ASTN2: variants seen among roughly 807,000 people sequenced by gnomAD.
ASTN2 encodes the protein astrotactin-2.
ASTN2 carries 54 observed loss-of-function variants against 139.8 expected under a neutral mutation model. The observed-to-expected ratio is 0.39, with a 90% CI of 0.31 to 0.48. The LOEUF is 0.48. ASTN2 is among the 20% of genes least tolerant of loss of function. The probability of loss-of-function intolerance (pLI) is 0.95; values close to 1 mark genes in which losing one functional copy is unlikely to be tolerated. For synonymous variants in ASTN2, 756 were observed against 719.5 expected (o/e 1.05, Z -0.81); for missense variants, 1,565 against 1,725.1 (o/e 0.91, Z 1.64).
chr9:116,846,970 C>T (rs1832447913), intron 11 of ASTN2, among the ~76,000 whole-genome samples: 1 of 127,038 alleles, frequency 7.9e-6, no homozygotes, highest in Admixed American at 9.8e-5. Flanking sequence ...TCAGAACCTG[C>T]TGTCTTCCAG....
chr9:116,913,485 CTT>C (rs1248842407), intron 10 of ASTN2, among the ~76,000 whole-genome samples: 2 of 152,152 alleles, frequency 1.3e-5, no homozygotes, highest in African/African-American at 4.8e-5. Context: ...ACCCCGCTGG[CTT>C]TGTCATTTCT....
intron 10 of ASTN2, among the ~76,000 whole-genome samples, chr9:116,940,041 T>C (rs1406012566): frequency 6.6e-5 from 10 of 152,238 alleles, no homozygotes; most frequent in Admixed American, 6.5e-4. Flanking sequence ...GTACAGTACA[T>C]AATACTGGAT....
chr9:116,616,474 A>C (rs1855861099), intron 19 of ASTN2, among the ~76,000 whole-genome samples: 1 of 152,232 alleles, frequency 6.6e-6, no homozygotes, highest in South Asian at 2.1e-4. Context: ...TGTGCTGGGC[A>C]TAAGACAGAC....
chr9:117,215,872 T>C (rs1832302103), intron 2 of ASTN2, among the ~76,000 whole-genome samples: 1 of 152,078 alleles, frequency 6.6e-6, no homozygotes, highest in South Asian at 2.1e-4. Flanking sequence ...TCAGGAGGAA[T>C]CACCCTTGTT....
intron 4 of ASTN2, among the ~76,000 whole-genome samples, chr9:117,107,859 T>C: frequency 6.6e-6 from 1 of 152,236 alleles, no homozygotes; most frequent in East Asian, 1.9e-4. Context: ...AAATTGTATC[T>C]GTATATTTCA....
chr9:116,611,073 A>G (rs1425615287), intron 19 of ASTN2: 1 of 151,990 alleles, frequency 6.6e-6, no homozygotes, highest in Non-Finnish European at 1.5e-5. Flanking sequence ...AAAATGTTTA[A>G]AGTCATAAAA....
intron 7 of ASTN2, among the ~76,000 whole-genome samples, chr9:117,005,080 ATTTTTTTTTT>A (rs35759848): frequency 4.0e-5 from 3 of 74,666 alleles, no homozygotes; most frequent in Admixed American, 2.1e-4. Flanking sequence ...CCTGTAGTCG[ATTTTTTTTTT>A]TTTTTTTTTT....
intron 22 of ASTN2, among the ~76,000 whole-genome samples, chr9:116,429,231 C>G (rs974665381): frequency 6.7e-6 from 1 of 148,720 alleles, no homozygotes; most frequent in Non-Finnish European, 1.5e-5. Context: ...CCCAGCTACT[C>G]GGGAGGCTGA....
intron 2 of ASTN2, among the ~76,000 whole-genome samples, chr9:117,259,126 T>C (rs1376302448): frequency 6.6e-6 from 1 of 152,074 alleles, no homozygotes; most frequent in East Asian, 1.9e-4. Context: ...TTGGATGAAA[T>C]TGTCCATGTA....
intron 13 of ASTN2, among the ~76,000 whole-genome samples, chr9:116,784,980 ATGGATTTGGAGCCAGACTGTC>A (rs373797164): frequency 1.3e-5 from 2 of 151,864 alleles, no homozygotes; most frequent in African/African-American, 4.8e-5. Flanking sequence ...ATATTTGAAT[ATGGATTTGGAGCCAGACTGTC>A]TGGATTCCAA....
chr9:117,363,707 A>C (rs904858774), intron 1 of ASTN2, among the ~76,000 whole-genome samples: 3 of 152,172 alleles, frequency 2.0e-5, no homozygotes, highest in Non-Finnish European at 4.4e-5. Flanking sequence ...GAGGAGTCAA[A>C]AGGGGATAAG....
At chr9:116,905,852 GTT>G (rs1164737372) in intron 10 of ASTN2, among the ~76,000 whole-genome samples, 1,583 of 47,158 alleles carry the variant, frequency 0.034, 58 homozygotes, top group African/African-American at 0.11. Context: ...AGTGATCCCT[GTT>G]TTTTTTTTTT....
chr9:116,753,829 G>A (rs1829464700), intron 13 of ASTN2, among the ~76,000 whole-genome samples: 1 of 150,774 alleles, frequency 6.6e-6, no homozygotes, highest in Admixed American at 6.6e-5. Context: ...TGGGGTATGT[G>A]TGCAGAACGT....
chr9:116,794,129 C>A (rs1269821740), intron 13 of ASTN2, among the ~76,000 whole-genome samples: 1 of 135,934 alleles, frequency 7.4e-6, no homozygotes, highest in East Asian at 2.3e-4. Context: ...TGGGGTTTCA[C>A]TCTTGTTGCC....
At chr9:117,099,073 C>G (rs1483758555) in intron 4 of ASTN2, among the ~76,000 whole-genome samples, 1 of 148,852 alleles carries the variant, frequency 6.7e-6, no homozygotes, top group African/African-American at 2.5e-5. Context: ...AGCCACTACA[C>G]TCCAGCCTGG....
chr9:116,582,589 G>C (rs1853995140), intron 19 of ASTN2: 1 of 152,130 alleles, frequency 6.6e-6, no homozygotes, highest in African/African-American at 2.4e-5. Context: ...GCCACTTTTT[G>C]TTGTTATTGT....
chr9:117,241,049 A>T (rs1204980115), intron 2 of ASTN2, among the ~76,000 whole-genome samples: 3 of 152,172 alleles, frequency 2.0e-5, no homozygotes, highest in Non-Finnish European at 4.4e-5. Flanking sequence ...AGAAAAGGAC[A>T]ATTCTCTCTA....
intron 11 of ASTN2, among the ~76,000 whole-genome samples, chr9:116,852,354 C>T (rs989909920): frequency 1.3e-5 from 2 of 152,204 alleles, no homozygotes; most frequent in Non-Finnish European, 2.9e-5. Context: ...TCCAAAGTCA[C>T]ACAGCTTCCC....
intron 1 of ASTN2, among the ~76,000 whole-genome samples, chr9:117,366,920 G>A (rs953390902): frequency 1.3e-5 from 2 of 152,006 alleles, no homozygotes; most frequent in African/African-American, 2.4e-5. Flanking sequence ...GACTACAGGT[G>A]CACACCACTA....
Sources: allele counts gnomAD v4.1 joint callset (sites outside exome capture counted in the v4.1 genomes callset), GRCh38; gene constraint gnomAD v4.1.1; transcripts MANE v1.5; gene names NCBI Gene and HGNC (gene_info 2026-07-23, HGNC 2026-07-21).